Variants in DENND5B observed in about 807,000 individuals in gnomAD.
DENND5B encodes the protein DENN domain-containing protein 5B.
Under a neutral mutation model 140.6 loss-of-function variants are expected in DENND5B, and 34 were observed. The ratio of observed to expected loss-of-function variants is 0.24; its 90% CI spans 0.18 to 0.32. The LOEUF (loss-of-function observed/expected upper bound fraction) is 0.32. Among genes scored for constraint, DENND5B ranks in the 10% least tolerant of loss-of-function variants. DENND5B has a pLI of 1.00. For missense variants in DENND5B, 1,142 were observed against 1,560.2 expected (o/e 0.73, Z 4.52); for synonymous variants, 551 against 562.1 (o/e 0.98, Z 0.28).
chr12:31,557,751 G>A (rs1046130716), intron 1 of DENND5B, among the ~76,000 whole-genome samples: 1 of 147,038 alleles, frequency 6.8e-6, no homozygotes, highest in African/African-American at 2.5e-5. Flanking sequence ...GAAAAAGAAA[G>A]GGCTGAAACG....
intron 1 of DENND5B, chr12:31,590,473 A>C: frequency 2.4e-6 from 1 of 418,744 alleles, no homozygotes. Context: ...GCCTGTTATT[A>C]ATAACCCAGC....
chr12:31,518,247 C>A (rs1247150761), intron 1 of DENND5B, among the ~76,000 whole-genome samples: 1 of 152,310 alleles, frequency 6.6e-6, no homozygotes, highest in Non-Finnish European at 1.5e-5. Flanking sequence ...ACTACACAAA[C>A]AAATAATTCA....
chr12:31,402,884 T>C (rs1436125040), intron 14 of DENND5B, among the ~76,000 whole-genome samples: 1 of 152,170 alleles, frequency 6.6e-6, no homozygotes, highest in Non-Finnish European at 1.5e-5. Context: ...TCATCATGTA[T>C]GTATGATGCA....
chr12:31,536,396 G>A (rs768636951), intron 1 of DENND5B, among the ~76,000 whole-genome samples: 9 of 151,910 alleles, frequency 5.9e-5, no homozygotes, highest in African/African-American at 9.7e-5. Flanking sequence ...AAAGAACTAC[G>A]CAGAAATTCT....
chr12:31,460,102 T>A (rs1332299301), intron 4 of DENND5B, 92 bp downstream of exon 4: 1 of 1,268,010 alleles, frequency 7.9e-7, no homozygotes, highest in Non-Finnish European at 1.1e-6. Context: ...AAGAGACAGA[T>A]AAAATTTTGA....
chr12:31,506,761 A>G (rs1478726773), intron 1 of DENND5B, among the ~76,000 whole-genome samples: 3 of 152,200 alleles, frequency 2.0e-5, no homozygotes, highest in Non-Finnish European at 4.4e-5. Flanking sequence ...AGGATGACCA[A>G]TCAAATGAAG....
chr12:31,561,969 T>G lies in DENND5B; in HGVS notation c.127+28737A>C, dbSNP rs530328254. Among the ~76,000 whole-genome samples, 6 of 152,384 alleles carry G rather than the reference T, an allele frequency of 3.9e-5. 1 individual carries two copies. In the South Asian group the frequency reaches 1.2e-3, roughly 32 times the overall value. On this transcript the variant is annotated intron_variant, in intron 1 of 20. Coordinates refer to ENST00000389082, the MANE Select transcript of DENND5B (RefSeq NM_144973.4). ...TATTAAGTGCAAGCACTGTAGTAGA[T>G]GCTGAAGGACTACAAATATAAATAA...
intron 1 of DENND5B, among the ~76,000 whole-genome samples, chr12:31,574,628 G>A (rs1309567042): frequency 6.6e-6 from 1 of 151,992 alleles, no homozygotes; most frequent in Non-Finnish European, 1.5e-5. Context: ...GGTGGAGGGG[G>A]AATTTTGGAA....
At position 31,570,299 on chromosome 12, in the gene DENND5B, C is replaced by T. The variant is rs548645320; in HGVS notation, c.127+20407G>A. Among the ~76,000 whole-genome samples, 609 of 145,660 alleles carry T rather than the reference C, an allele frequency of 4.2e-3. 6 individuals carry two copies. Among genetic ancestry groups the T allele is most frequent in the Non-Finnish European group, 6.6e-3 (440 of 66,630 alleles). ...TCTCTTTTTTTTTTTTTTTAAGAGA[C>T]GGAGTCTCACTCTGTTGCCCAGGCT... On this transcript the variant is annotated intron_variant, in intron 1 of 20. Coordinates refer to ENST00000389082, the MANE Select transcript of DENND5B (RefSeq NM_144973.4).
chr12:31,454,697 C>A (rs1313687036), intron 4 of DENND5B, among the ~76,000 whole-genome samples: 4 of 152,028 alleles, frequency 2.6e-5, no homozygotes, highest in African/African-American at 9.7e-5. Context: ...CCTGCCTCAG[C>A]CTCTCACAGT....
chr12:31,457,974 A>G (rs1186322330), intron 4 of DENND5B, among the ~76,000 whole-genome samples: 1 of 151,914 alleles, frequency 6.6e-6, no homozygotes, highest in Non-Finnish European at 1.5e-5. Context: ...TCAGCCTCCC[A>G]AAGTGCTGGG....
intron 8 of DENND5B, among the ~76,000 whole-genome samples, chr12:31,428,628 C>T (rs552639447): frequency 0.011 from 1,722 of 151,892 alleles, 19 homozygotes; most frequent in East Asian, 0.032. Flanking sequence ...AGTGCAATGG[C>T]TTGATCTCGG....
intron 1 of DENND5B, among the ~76,000 whole-genome samples, chr12:31,513,137 T>C (rs1947490925): frequency 6.6e-6 from 1 of 152,198 alleles, no homozygotes; most frequent in African/African-American, 2.4e-5. Context: ...CTGGGATTTG[T>C]CTGATGTTTT....
In DENND5B at chr12:31,587,413, C is replaced by G. The variant is rs139882674; in HGVS notation, c.127+3293G>C. Among the ~76,000 whole-genome samples, 3 of 150,462 alleles carry G rather than the reference C, an allele frequency of 2.0e-5. No individual in the cohort carries two copies. In the East Asian group the frequency reaches 6.0e-4, roughly 30 times the overall value. On this transcript the variant is annotated intron_variant, in intron 1 of 20. Transcript: ENST00000389082. Reference sequence around the variant, plus strand: ...GACTACCATATTCATAGAATTCATACATATTCATATAAATCATCAGCAAAT... The same window carrying G: ...GACTACCATATTCATAGAATTCATAGATATTCATATAAATCATCAGCAAAT...
chr12:31,417,891 G>T (rs1007177700), intron 11 of DENND5B, among the ~76,000 whole-genome samples: 3 of 152,092 alleles, frequency 2.0e-5, no homozygotes, highest in African/African-American at 7.2e-5. Flanking sequence ...CATTTTCTCA[G>T]GTTTTAGATT....
At chr12:31,398,006 T>TA (rs1326671695) in intron 17 of DENND5B, among the ~76,000 whole-genome samples, 169 bp downstream of exon 17, 2 of 152,224 alleles carry the variant, frequency 1.3e-5, no homozygotes, top group Non-Finnish European at 2.9e-5. Context: ...TTTAAAAAAT[T>TA]AGATTTTAAC....
At chr12:31,464,685 C>T (rs933795371) in intron 3 of DENND5B, among the ~76,000 whole-genome samples, 7 of 152,094 alleles carry the variant, frequency 4.6e-5, no homozygotes, top group Admixed American at 3.9e-4. Context: ...CTCAGCCTCC[C>T]GAGTAGCTTG....
At chr12:31,580,364 T>G (rs997219028) in intron 1 of DENND5B, among the ~76,000 whole-genome samples, 2 of 152,246 alleles carry the variant, frequency 1.3e-5, no homozygotes, top group African/African-American at 4.8e-5. Flanking sequence ...AGAAATTTTA[T>G]TAGCCCTTCA....
chr12:31,489,617 T>C (rs1404394659), intron 2 of DENND5B, among the ~76,000 whole-genome samples: 8 of 152,200 alleles, frequency 5.3e-5, no homozygotes, highest in Non-Finnish European at 7.3e-5. Flanking sequence ...ACATCTACTA[T>C]GCGCAAAGCT....
Sources: allele counts gnomAD v4.1 joint callset (sites outside exome capture counted in the v4.1 genomes callset), GRCh38; gene constraint gnomAD v4.1.1; transcripts MANE v1.5; gene names NCBI Gene and HGNC (gene_info 2026-07-23, HGNC 2026-07-21).